The following SCML2 variants were observed in gnomAD, a reference collection of about 807,000 sequenced individuals.
SCML2 encodes the protein sex comb on midleg-like protein 2.
Under a neutral mutation model 48.4 loss-of-function variants are expected in SCML2, and 6 were observed. The observed-to-expected ratio is 0.12, with a 90% CI of 0.07 to 0.24. The LOEUF (loss-of-function observed/expected upper bound fraction) is 0.24, where lower values mean the gene tolerates loss of function less well. Ranked by LOEUF, SCML2 falls within the 10% of genes least tolerant of loss-of-function variation. The pLI is 1.00. For missense variants in SCML2, 377 were observed against 528.2 expected, an observed-to-expected ratio of 0.71 and a Z score of 2.81; for synonymous variants, 181 against 189.5, an observed-to-expected ratio of 0.95 and a Z score of 0.37.
At chrX:18,264,090 A>G (rs1927171572) in intron 8 of SCML2, among the ~76,000 whole-genome samples, 1 of 111,495 alleles carries the variant, frequency 9.0e-6, no homozygotes, top group Non-Finnish European at 1.9e-5. Flanking sequence ...CATTTGGAAA[A>G]TTTTGAGACT....
chrX:18,303,957 CT>C lies in SCML2; in HGVS notation c.730+1014del, dbSNP rs773038475. Among the ~76,000 whole-genome samples, 525 of 112,509 alleles carry C rather than the reference CT, an allele frequency of 4.7e-3. 6 individuals are homozygous for C. The highest frequency in any genetic ancestry group is 0.016 in the African/African-American group (493 of 31,025). On this transcript the variant is annotated intron_variant, in intron 7 of 14. Coordinates refer to ENST00000251900, the MANE Select transcript of SCML2 (RefSeq NM_006089.3). Reference sequence around the variant, plus strand: ...TTGCGTACTTATTTTCTACATCTATCTTTTTTTCTCATAAAAATAAATATAC... The same window carrying C: ...TTGCGTACTTATTTTCTACATCTATCTTTTTTCTCATAAAAATAAATATAC...
chrX:18,286,618 C>T (rs990067549), intron 7 of SCML2, among the ~76,000 whole-genome samples: 1 of 111,437 alleles, frequency 9.0e-6, no homozygotes, highest in Non-Finnish European at 1.9e-5. Flanking sequence ...AGTAACAGGG[C>T]ATCCTCTGTT....
Position 18,282,041 on chromosome X carries a change from T to C in SCML2, c.731-16239A>G, listed in dbSNP as rs910443941. Among the ~76,000 whole-genome samples the C allele has an allele frequency of 4.5e-5, 5 of 110,338 alleles. No homozygotes were observed. In the Admixed American group the frequency reaches 4.8e-4, roughly 11 times the overall value. On this transcript the variant is annotated intron_variant, in intron 7 of 14. Coordinates refer to ENST00000251900, the MANE Select transcript of SCML2 (RefSeq NM_006089.3). ...GGGAGGCTGAGGCAAGGGAATCACT[T>C]GAACCCAGGAGGCAGAGGTTGCAGT...
chrX:18,336,522 G>A (rs769555438), intron 1 of SCML2, among the ~76,000 whole-genome samples: 3 of 108,195 alleles, frequency 2.8e-5, no homozygotes, highest in Admixed American at 1.0e-4. Flanking sequence ...GGATCACGAG[G>A]TCAGGAGTAC....
At chrX:18,338,546 G>A (rs1173903871) in intron 1 of SCML2, among the ~76,000 whole-genome samples, 1 of 109,926 alleles carries the variant, frequency 9.1e-6, no homozygotes, top group Non-Finnish European at 1.9e-5. Flanking sequence ...GTACAGAGCA[G>A]AATGATGATT....
At chrX:18,333,118 A>G in intron 2 of SCML2, among the ~76,000 whole-genome samples, 1 of 108,736 alleles carries the variant, frequency 9.2e-6, no homozygotes. Flanking sequence ...TCTACTAAAA[A>G]TACAAAAAAT....
chrX:18,244,347 A>C (rs1267172839), intron 13 of SCML2, among the ~76,000 whole-genome samples: 1 of 111,898 alleles, frequency 8.9e-6, no homozygotes, highest in East Asian at 2.8e-4. Context: ...AATTTAATGT[A>C]CATTTTTGTG....
At chrX:18,269,368 C>T (rs1322422608) in intron 7 of SCML2, among the ~76,000 whole-genome samples, 3 of 111,520 alleles carry the variant, frequency 2.7e-5, no homozygotes, top group Non-Finnish European at 3.8e-5. Context: ...CTTCCCACTT[C>T]GCTCGGAACC....
At chrX:18,272,679 C>G (rs1280013158) in intron 7 of SCML2, among the ~76,000 whole-genome samples, 1 of 111,962 alleles carries the variant, frequency 8.9e-6, no homozygotes, top group African/African-American at 3.2e-5. Flanking sequence ...TCAACAGCAG[C>G]AACACTCACA....
chrX:18,256,776 G>T, intron 11 of SCML2, 72 bp downstream of exon 11: 1 of 855,188 alleles, frequency 1.2e-6, no homozygotes, highest in South Asian at 3.7e-5. Flanking sequence ...ACTTTGAGGA[G>T]AACACAAGGA....
intron 1 of SCML2, among the ~76,000 whole-genome samples, chrX:18,345,210 C>T (rs751637244): frequency 5.4e-5 from 6 of 110,989 alleles, no homozygotes; most frequent in Non-Finnish European, 9.4e-5. Context: ...CCTTTTCTCC[C>T]GTGCTAGACA....
rs1164729215 is a variant in SCML2, at chrX:18,312,872, A to G, written c.486+7460T>C. Among the ~76,000 whole-genome samples the G allele has an allele frequency of 2.7e-5, 3 of 111,212 alleles. No individual in the cohort carries two copies. The Admixed American group carries it at 2.9e-4, about 11-fold the overall frequency. ...ACAAATTTGAAAATCATTTGCATATAAACTGTATTTAAAGCCAGATAATTA... is the reference window on the plus strand; with the variant it reads ...ACAAATTTGAAAATCATTTGCATATGAACTGTATTTAAAGCCAGATAATTA... On this transcript the variant is annotated intron_variant, in intron 6 of 14. Transcript: ENST00000251900.
intron 3 of SCML2, among the ~76,000 whole-genome samples, chrX:18,325,628 T>C (rs1233610405): frequency 8.9e-6 from 1 of 111,832 alleles, no homozygotes; most frequent in Non-Finnish European, 1.9e-5. Context: ...CCTTCCTCAC[T>C]TAGTTTTCAT....
At chrX:18,247,688 A>G (rs1926498614) in intron 12 of SCML2, 81 bp downstream of exon 12, 3 of 735,629 alleles carry the variant, frequency 4.1e-6, no homozygotes, top group Non-Finnish European at 6.0e-6. Context: ...CCTACCTCCA[A>G]TACTACCACC....
chrX:18,329,785 G>T (rs1161743428), intron 3 of SCML2, among the ~76,000 whole-genome samples: 2 of 112,314 alleles, frequency 1.8e-5, no homozygotes, highest in African/African-American at 6.5e-5. Flanking sequence ...GTGTTATAAA[G>T]AAGAAAAAAG....
chrX:18,312,234 G>C (rs1193096898), intron 6 of SCML2, among the ~76,000 whole-genome samples: 1 of 111,783 alleles, frequency 8.9e-6, no homozygotes, highest in Non-Finnish European at 1.9e-5. Context: ...GTTAACAATG[G>C]AGACGGCAAG....
In SCML2 at chrX:18,305,185, T is replaced by C; in HGVS notation, c.517A>G (p.Lys173Glu). 1 of 1,203,546 alleles carries C rather than the reference T, an allele frequency of 8.3e-7. No homozygotes were observed. The change falls in exon 7 of 15, where the codon AAA becomes GAA. Residue 173 changes from lysine to glutamate, a missense_variant. Lys to Glu is a moderately conservative substitution (Grantham distance 56). Around this residue, in one of 3 missense-constraint regions of SCML2, gnomAD observed 299 missense variants for 425.5 expected, o/e 0.70. Coordinates refer to ENST00000251900, the MANE Select transcript of SCML2 (RefSeq NM_006089.3). Reference protein sequence around the residue: ...EPPKPPLNNFKVGMKLEAIDK... With the variant: ...EPPKPPLNNFEVGMKLEAIDK... Reference sequence around the variant, plus strand: ...ATAGCTTCCAGTTTCATCCCCACTTTAAAATTATTTAGTGGGGGCTTTGGT... The same window carrying C: ...ATAGCTTCCAGTTTCATCCCCACTTCAAAATTATTTAGTGGGGGCTTTGGT...
chrX:18,266,241 G>A (rs1463283589), intron 7 of SCML2, among the ~76,000 whole-genome samples: 2 of 111,573 alleles, frequency 1.8e-5, no homozygotes, highest in Admixed American at 1.9e-4. Context: ...GTTTCAGAGG[G>A]CAGGGGCTCC....
intron 7 of SCML2, among the ~76,000 whole-genome samples, chrX:18,273,294 G>A (rs1250372300): frequency 9.0e-6 from 1 of 110,734 alleles, no homozygotes; most frequent in Admixed American, 9.7e-5. Flanking sequence ...TCTCTTGCCT[G>A]CTCAAGTGCA....
Sources: allele counts gnomAD v4.1 joint callset (sites outside exome capture counted in the v4.1 genomes callset), GRCh38; gene constraint gnomAD v4.1.1; regional missense constraint gnomAD v4.1.1; transcripts MANE v1.5; gene names NCBI Gene and HGNC (gene_info 2026-07-23, HGNC 2026-07-21).